Variants in RELN observed in about 807,000 individuals in gnomAD.
RELN encodes the protein reelin.
RELN carries 108 observed loss-of-function variants against 427.6 expected under a neutral mutation model. The observed-to-expected ratio is 0.25, with a 90% confidence interval of 0.22 to 0.30. The LOEUF is 0.30. Among genes scored for constraint, RELN ranks in the 10% least tolerant of loss-of-function variants. The pLI is 1.00. For synonymous variants in RELN, 1,524 were observed against 1,513.4 expected (o/e 1.01, Z -0.16); for missense variants, 3,715 against 4,302.8 (o/e 0.86, Z 3.82).
intron 1 of RELN, among the ~76,000 whole-genome samples, chr7:103,958,502 C>T (rs148360235): frequency 6.6e-6 from 1 of 152,304 alleles, no homozygotes; most frequent in Non-Finnish European, 1.5e-5. Context: ...ACTCAATCAT[C>T]TCCCACTCCC....
At chr7:103,564,377 T>G (rs1830701895) in intron 34 of RELN, among the ~76,000 whole-genome samples, 1 of 152,168 alleles carries the variant, frequency 6.6e-6, no homozygotes, top group Non-Finnish European at 1.5e-5. Context: ...GAGAAGCCAG[T>G]AGAAGCAGTG....
At position 103,862,492 on chromosome 7, in the gene RELN, C is replaced by G. The variant is rs192744556; in HGVS notation, c.338-28820G>C. Among the ~76,000 whole-genome samples the G allele has an allele frequency of 2.5e-3, 375 of 151,940 alleles. 1 individual carries two copies. The highest frequency in any genetic ancestry group is 8.6e-3 in the African/African-American group (356 of 41,436). ...CTTCTCAATCTTTCTCCCTCTCTGG[C>G]TGTCTCACCCCATGTTCTTCCCACC... is the stretch of plus-strand genomic sequence containing the variant. On this transcript the variant is annotated intron_variant, in intron 2 of 64. Transcript: ENST00000428762.
intron 12 of RELN, among the ~76,000 whole-genome samples, chr7:103,659,072 A>G (rs905774432): frequency 6.6e-6 from 1 of 151,800 alleles, no homozygotes; most frequent in Non-Finnish European, 1.5e-5. Context: ...CTGCATATGG[A>G]TGATTTTCGA....
chr7:103,594,570 G>C (rs1162897951), intron 25 of RELN, 78 bp from the exon 26 acceptor site: 1 of 1,437,024 alleles, frequency 7.0e-7, no homozygotes, highest in African/African-American at 1.4e-5. Flanking sequence ...AACAACAAGG[G>C]TAACAACAAG....
At chr7:103,704,923 G>A (rs2115816469) in intron 8 of RELN, among the ~76,000 whole-genome samples, 1 of 152,210 alleles carries the variant, frequency 6.6e-6, no homozygotes, top group South Asian at 2.1e-4. Context: ...TCAACAGATT[G>A]CTTTCCCAAA....
At chr7:103,651,881 C>A in intron 14 of RELN, 92 bp from the exon 15 acceptor site, 1 of 1,337,230 alleles carries the variant, frequency 7.5e-7, no homozygotes. Context: ...GTACATTAAA[C>A]AACTGTAAAA....
chr7:103,571,189 G>A (rs540075133), intron 31 of RELN, among the ~76,000 whole-genome samples: 8 of 152,334 alleles, frequency 5.3e-5, no homozygotes, highest in African/African-American at 1.9e-4. Flanking sequence ...TTAAGCCAAT[G>A]TGTTTTACAC....
chr7:103,636,245 A>C lies in RELN; in HGVS notation c.2293T>G (p.Ser765Ala), dbSNP rs1832576926. ...RQLITSFLDSSQSRFLQFTLR... is the reference protein window; with the variant it reads ...RQLITSFLDSAQSRFLQFTLR... The stretch of plus-strand genomic sequence containing the variant: ...CCTGCCTTCACTCACCTGGATTGTG[A>C]GCTGTCAAGGAAAGATGTAATTAGC... Residue 765 changes from serine (S) to alanine (A), a missense_variant, in exon 18 of 65, where the codon TCA becomes GCA. Ser to Ala is a moderately conservative substitution (Grantham distance 99). This residue lies in a region of RELN where 2,208 missense variants were observed against 2,361.7 expected (regional missense o/e 0.93). Transcript: ENST00000428762. 4 of 1,611,996 alleles carry C rather than the reference A, an allele frequency of 2.5e-6. No individual in the cohort carries two copies. The East Asian group carries it at 6.7e-5, about 27-fold the overall frequency.
At chr7:103,646,802 C>A (rs1413452340) in intron 16 of RELN, among the ~76,000 whole-genome samples, 1 of 151,868 alleles carries the variant, frequency 6.6e-6, no homozygotes, top group African/African-American at 2.4e-5. Context: ...CAAAGCCAGG[C>A]AAGGACACAA....
chr7:103,555,221 G>C (rs1041248687), intron 38 of RELN, among the ~76,000 whole-genome samples: 1 of 152,028 alleles, frequency 6.6e-6, no homozygotes, highest in Admixed American at 6.6e-5. Context: ...CTTGAAAAAA[G>C]GTGATAAGTC....
chr7:103,540,574 T>C, intron 43 of RELN, 119 bp from the exon 44 acceptor site: 1 of 859,810 alleles, frequency 1.2e-6, no homozygotes, highest in Non-Finnish European at 1.9e-6. Context: ...TATGGCGATT[T>C]AATGAGTGTC....
intron 11 of RELN, among the ~76,000 whole-genome samples, chr7:103,670,947 A>C (rs1833378407): frequency 6.6e-6 from 1 of 152,256 alleles, no homozygotes; most frequent in South Asian, 2.1e-4. Context: ...ACTAAGATCC[A>C]GAATAAAGCC....
chr7:103,589,617 A>C lies in RELN; in HGVS notation c.4124T>G (p.Ile1375Ser). The change falls in exon 28 of 65, where the codon ATT becomes AGT. Residue 1375 changes from isoleucine (I) to serine (S), a missense_variant. Ile to Ser is a moderately radical substitution (Grantham distance 142). Transcript: ENST00000428762. ...FEEWTRITIVIPRSLASSKTR... is the reference protein window; with the variant it reads ...FEEWTRITIVSPRSLASSKTR... ...TTACCTGGATGCAAGAGACCTTGGA[A>C]TAACAATGGTGATTCTTGTCCATTC... 8 of 1,613,238 alleles carry C rather than the reference A, an allele frequency of 5.0e-6. No individual in the cohort carries two copies. The highest frequency in any genetic ancestry group is 5.9e-6 in the Non-Finnish European group (7 of 1,179,162).
At chr7:103,861,049 A>G (rs1325713360) in intron 2 of RELN, among the ~76,000 whole-genome samples, 2 of 152,316 alleles carry the variant, frequency 1.3e-5, no homozygotes, top group Middle Eastern at 3.4e-3. Context: ...CCAATTTACA[A>G]ATGCTAAAGT....
intron 49 of RELN, among the ~76,000 whole-genome samples, chr7:103,516,906 C>T (rs2057983): frequency 0.99 from 150,645 of 152,216 alleles, 74,552 homozygotes; most frequent in East Asian, 1. Flanking sequence ...CCAAGATTCA[C>T]TCACAGGTAG....
At chr7:103,936,098 G>GTTTTT in intron 1 of RELN, among the ~76,000 whole-genome samples, 1 of 99,132 alleles carries the variant, frequency 1.0e-5, no homozygotes, top group Non-Finnish European at 2.2e-5. Context: ...TGCTTCAATG[G>GTTTTT]CTTTTTTTTT....
In RELN at chr7:103,874,562, AACAG is replaced by A. The variant is rs1436314999; in HGVS notation, c.338-40894_338-40891del. ...ATCACAAGCATTCTGATACACCAAC[AACAG>A]ACAAACAGAGAGCCAAATTATGAGT... On this transcript the variant is annotated intron_variant, in intron 2 of 64. Coordinates refer to ENST00000428762, the MANE Select transcript of RELN (RefSeq NM_005045.4). 1.8e-4 allele frequency among the ~76,000 whole-genome samples: 26 copies of A among 146,290 alleles called. 2 individuals carry two copies. The highest frequency in any genetic ancestry group is 1.7e-3 in the Admixed American group (25 of 14,604).
chr7:103,545,684 C>A (rs922574841), intron 41 of RELN, among the ~76,000 whole-genome samples: 3 of 152,076 alleles, frequency 2.0e-5, no homozygotes, highest in Non-Finnish European at 1.5e-5. Flanking sequence ...CTCTGTCCCC[C>A]AGGCTGGAGT....
intron 10 of RELN, among the ~76,000 whole-genome samples, chr7:103,690,434 T>A (rs1252684779): frequency 6.6e-6 from 1 of 152,050 alleles, no homozygotes; most frequent in Non-Finnish European, 1.5e-5. Context: ...GGAACACCCA[T>A]CCACAACCAC....
Sources: allele counts gnomAD v4.1 joint callset (sites outside exome capture counted in the v4.1 genomes callset), GRCh38; gene constraint gnomAD v4.1.1; regional missense constraint gnomAD v4.1.1; transcripts MANE v1.5; gene names NCBI Gene and HGNC (gene_info 2026-07-23, HGNC 2026-07-21).